Variants in STXBP5L observed in about 807,000 individuals in gnomAD.
STXBP5L encodes syntaxin binding protein 5L.
In STXBP5L, 65 loss-of-function variants were observed where a neutral mutation model predicts 144.5. The ratio of observed to expected loss-of-function variants is 0.45; its 90% CI spans 0.37 to 0.55. STXBP5L has a LOEUF of 0.55. Among genes scored for constraint, STXBP5L ranks in the 20% least tolerant of loss-of-function variants. The pLI, the probability that STXBP5L is intolerant of heterozygous loss-of-function variation, is 0.00. For missense variants in STXBP5L, 1,298 were observed against 1,405.5 expected, an observed-to-expected ratio of 0.92 and a Z score of 1.22; for synonymous variants, 505 against 469.6, an observed-to-expected ratio of 1.08 and a Z score of -0.97.
intron 7 of STXBP5L, among the ~76,000 whole-genome samples, chr3:121,126,320 C>A (rs1013452717): frequency 5.3e-5 from 8 of 152,114 alleles, no homozygotes; most frequent in South Asian, 2.1e-4. Context: ...TAAAGCTGAG[C>A]AGTTGGGATG....
chr3:121,381,196 C>T (rs940447756), intron 21 of STXBP5L, 97 bp from the exon 22 acceptor site: 1 of 1,234,114 alleles, frequency 8.1e-7, no homozygotes, highest in Non-Finnish European at 1.1e-6. Context: ...TGAAATTTTA[C>T]TTCCTCCTCA....
At chr3:121,105,924 T>C (rs1032937665) in intron 5 of STXBP5L, among the ~76,000 whole-genome samples, 1 of 152,158 alleles carries the variant, frequency 6.6e-6, no homozygotes, top group African/African-American at 2.4e-5. Flanking sequence ...TTTTATTTTG[T>C]TTTTATACCT....
At chr3:121,263,410 TC>T (rs1273689720) in intron 18 of STXBP5L, among the ~76,000 whole-genome samples, 2 of 152,036 alleles carry the variant, frequency 1.3e-5, no homozygotes, top group East Asian at 1.9e-4. Context: ...GAAAGCCTCT[TC>T]TCCTCTAAAT....
intron 19 of STXBP5L, among the ~76,000 whole-genome samples, chr3:121,305,288 A>G (rs2108500764): frequency 6.6e-6 from 1 of 152,302 alleles, no homozygotes; most frequent in East Asian, 1.9e-4. Context: ...AAATAAAAGA[A>G]GAAGGAAATC....
intron 19 of STXBP5L, chr3:121,282,324 T>C (rs1319228886): frequency 6.2e-7 from 1 of 1,611,358 alleles, no homozygotes; most frequent in South Asian, 1.1e-5. Context: ...AACGGATCCG[T>C]ACTTCCTATC....
intron 5 of STXBP5L, among the ~76,000 whole-genome samples, chr3:121,081,518 A>AGTT (rs1455049297): frequency 4.6e-5 from 7 of 152,208 alleles, no homozygotes; most frequent in Admixed American, 2.0e-4. Context: ...TGCTGGTTGT[A>AGTT]GTAGTTATAT....
intron 5 of STXBP5L, among the ~76,000 whole-genome samples, chr3:121,049,166 C>T (rs2107580402): frequency 6.6e-6 from 1 of 152,304 alleles, no homozygotes; most frequent in Non-Finnish European, 1.5e-5. Flanking sequence ...AAACAGTCTG[C>T]TGCTTTTCTG....
At chr3:121,144,066 A>G (rs1028152398) in intron 7 of STXBP5L, among the ~76,000 whole-genome samples, 2 of 151,710 alleles carry the variant, frequency 1.3e-5, no homozygotes, top group Non-Finnish European at 3.0e-5. Flanking sequence ...AGAATAGGAG[A>G]AAATTTTTGC....
intron 5 of STXBP5L, among the ~76,000 whole-genome samples, chr3:121,055,848 C>G (rs977446210): frequency 2.7e-5 from 4 of 148,072 alleles, no homozygotes; most frequent in African/African-American, 7.6e-5. Flanking sequence ...TGATGCCTGA[C>G]TAATGTTAAT....
intron 5 of STXBP5L, among the ~76,000 whole-genome samples, chr3:121,084,722 C>A (rs2042408838): frequency 6.6e-6 from 1 of 152,096 alleles, no homozygotes; most frequent in African/African-American, 2.4e-5. Context: ...GATATATACC[C>A]AGTAATGAGA....
chr3:121,012,351 G>T (rs1376249387), intron 3 of STXBP5L, among the ~76,000 whole-genome samples: 1 of 151,818 alleles, frequency 6.6e-6, no homozygotes. Flanking sequence ...GCTGCATCAT[G>T]TGGTAACTCT....
intron 3 of STXBP5L, among the ~76,000 whole-genome samples, chr3:120,979,207 G>T (rs931983039): frequency 6.6e-6 from 1 of 152,204 alleles, no homozygotes; most frequent in Non-Finnish European, 1.5e-5. Flanking sequence ...CCCCCAGTTG[G>T]AGCTTCCCGG....
At chr3:121,079,695 G>T (rs917815930) in intron 5 of STXBP5L, among the ~76,000 whole-genome samples, 2 of 152,166 alleles carry the variant, frequency 1.3e-5, no homozygotes, top group Non-Finnish European at 2.9e-5. Context: ...GAAGATACTT[G>T]ATATGATTTT....
intron 3 of STXBP5L, among the ~76,000 whole-genome samples, chr3:120,975,559 G>C (rs1940881125): frequency 1.3e-5 from 2 of 151,976 alleles, no homozygotes; most frequent in African/African-American, 4.8e-5. Flanking sequence ...TGATTGCCCT[G>C]GCCAGAACTT....
intron 18 of STXBP5L, among the ~76,000 whole-genome samples, chr3:121,272,393 T>C (rs184551652): frequency 1.3e-5 from 2 of 152,222 alleles, no homozygotes; most frequent in Admixed American, 6.5e-5. Context: ...CTTTGTCTTA[T>C]GACAGTTTTT....
At position 121,010,400 on chromosome 3, in the gene STXBP5L, T is replaced by C. The variant is rs573000636; in HGVS notation, c.288-31300T>C. On this transcript the variant is annotated intron_variant, in intron 3 of 26. Transcript: ENST00000471454. ...GGGCAAGGTATTTTAATTTTCCCTTTGGTGTCTAATATTAGTCTTCTGCTA... is the reference window on the plus strand; with the variant it reads ...GGGCAAGGTATTTTAATTTTCCCTTCGGTGTCTAATATTAGTCTTCTGCTA... Among the ~76,000 whole-genome samples the C allele has an allele frequency of 7.9e-5, 12 of 151,876 alleles. No homozygotes were observed. The South Asian group carries it at 2.5e-3, about 32-fold the overall frequency.
chr3:121,140,370 G>A (rs1440254110), intron 7 of STXBP5L, among the ~76,000 whole-genome samples: 2 of 152,126 alleles, frequency 1.3e-5, no homozygotes, highest in Non-Finnish European at 2.9e-5. Flanking sequence ...ATGTGATCCA[G>A]CAATACCACT....
intron 3 of STXBP5L, among the ~76,000 whole-genome samples, chr3:121,008,129 T>C (rs1944487924): frequency 6.6e-6 from 1 of 152,026 alleles, no homozygotes. Flanking sequence ...GTCAGAGTAC[T>C]TGTTAAGCTG....
chr3:121,061,364 C>T (rs1294515429), intron 5 of STXBP5L, among the ~76,000 whole-genome samples: 1 of 152,142 alleles, frequency 6.6e-6, no homozygotes, highest in African/African-American at 2.4e-5. Flanking sequence ...TGTTCTTTTG[C>T]ATTTGCTGAG....
Sources: allele counts gnomAD v4.1 joint callset (sites outside exome capture counted in the v4.1 genomes callset), GRCh38; gene constraint gnomAD v4.1.1; transcripts MANE v1.5; gene names NCBI Gene and HGNC (gene_info 2026-07-23, HGNC 2026-07-21).